The following CDH17 variants were observed in gnomAD, a reference collection of about 807,000 sequenced individuals.
CDH17 encodes the protein cadherin-17.
In CDH17, 67 loss-of-function variants were observed where a neutral mutation model predicts 86.3. The ratio of observed to expected loss-of-function variants is 0.78; its 90% CI spans 0.64 to 0.95. The LOEUF is 0.95. Ranked by LOEUF, CDH17 falls within the 40% of genes least tolerant of loss-of-function variation. The pLI, the probability that CDH17 is intolerant of heterozygous loss-of-function variation, is 0.00. For synonymous variants in CDH17, 367 were observed against 366.4 expected (o/e 1.00, Z -0.02); for missense variants, 993 against 1,017.6 (o/e 0.98, Z 0.33).
At position 94,130,874 on chromosome 8, in the gene CDH17, A is replaced by C; in HGVS notation, c.2284+2T>G. ...CTGAGTTGCCTATAGCAGAATATCT[A>C]CCTGGTAAAGAAACAATGCCTTCCA... On this transcript the variant is annotated splice_donor_variant, in intron 16 of 17. Coordinates refer to ENST00000027335, the MANE Select transcript of CDH17 (RefSeq NM_004063.4). LOFTEE classifies it high-confidence loss of function. 1 of 1,587,436 alleles carries C rather than the reference A, an allele frequency of 6.3e-7. No individual in the cohort carries two copies. Among genetic ancestry groups the C allele is most frequent in the East Asian group, 2.2e-5 (1 of 44,742 alleles).
chr8:94,147,707 A>T (rs1260892306), intron 14 of CDH17, among the ~76,000 whole-genome samples: 2 of 152,154 alleles, frequency 1.3e-5, no homozygotes, highest in Non-Finnish European at 2.9e-5. Flanking sequence ...TACTATTCCT[A>T]TGTGTTTATT....
rs1313976127 is a variant in CDH17 at position 94,148,816 on chromosome 8, T to G, written c.1855A>C (p.Ile619Leu). The G allele has an allele frequency of 2.5e-6, 4 of 1,604,602 alleles. No homozygotes were observed. The highest frequency in any genetic ancestry group is 3.4e-6 in the Non-Finnish European group (4 of 1,175,744). Residue 619 changes from isoleucine (I) to leucine (L), a missense_variant, in exon 14 of 18, where the codon ATC (isoleucine) becomes CTC (leucine). By Grantham distance (5) the Ile-to-Leu change is conservative. Transcript: ENST00000027335. ...CTGTCCAATGGAGCCACACTAAAGA[T>G]CTCACCAGTCACGTGGTCAATTTTA... The part of the protein sequence containing the change: ...WLKIDHVTGE[I>L]FSVAPLDREA...
In CDH17 at chr8:94,160,046, TATG is replaced by T; in HGVS notation, c.1473_1475del (p.Ile492del). The T allele has an allele frequency of 1.2e-6, 2 of 1,613,856 alleles. No homozygotes were observed. Among genetic ancestry groups the T allele is most frequent in the Non-Finnish European group, 1.7e-6 (2 of 1,179,844 alleles). ...CCAGGCGTCCCTCACTGTCTCCCTT[TATG>T]ATATGATACAGAATTTTAGAACTCC... On this transcript the variant is annotated inframe_deletion, in exon 12 of 18. Coordinates refer to ENST00000027335, the MANE Select transcript of CDH17 (RefSeq NM_004063.4).
intron 2 of CDH17, among the ~76,000 whole-genome samples, chr8:94,193,007 GA>G (rs1413280078): frequency 6.6e-6 from 1 of 152,158 alleles, no homozygotes; most frequent in African/African-American, 2.4e-5. Flanking sequence ...GGAGGTAGGA[GA>G]GAGAAGTGGC....
At chr8:94,170,256 G>A in intron 9 of CDH17, 141 bp downstream of exon 9, 1 of 814,154 alleles carries the variant, frequency 1.2e-6, no homozygotes, top group South Asian at 2.0e-5. Flanking sequence ...GTCCTTACGT[G>A]ACTCCCAAGG....
intron 10 of CDH17, among the ~76,000 whole-genome samples, chr8:94,163,750 T>G (rs2130623777): frequency 6.6e-6 from 1 of 152,334 alleles, no homozygotes; most frequent in East Asian, 1.9e-4. Flanking sequence ...AGGGACAGAA[T>G]CTATTAACAA....
intron 11 of CDH17, among the ~76,000 whole-genome samples, chr8:94,161,696 T>C (rs1813055410): frequency 6.6e-6 from 1 of 152,212 alleles, no homozygotes; most frequent in Admixed American, 6.5e-5. Context: ...ATATTCCAAA[T>C]ATTAAATTTT....
chr8:94,189,833 T>C (rs558055522), intron 2 of CDH17, among the ~76,000 whole-genome samples: 1 of 152,314 alleles, frequency 6.6e-6, no homozygotes, highest in African/African-American at 2.4e-5. Flanking sequence ...TTAGCCAAAT[T>C]TGAATCTGAA....
intron 15 of CDH17, among the ~76,000 whole-genome samples, chr8:94,132,267 T>G (rs760728383): frequency 1.3e-5 from 2 of 152,194 alleles, no homozygotes; most frequent in Admixed American, 1.3e-4. Flanking sequence ...TCTTCCACAA[T>G]GGTTGAACTA....
At chr8:94,215,056 C>A (rs1281257612) in intron 1 of CDH17, among the ~76,000 whole-genome samples, 1 of 152,188 alleles carries the variant, frequency 6.6e-6, no homozygotes, top group African/African-American at 2.4e-5. Context: ...TGTAAAATAA[C>A]ACAACCACTT....
intron 3 of CDH17, 129 bp downstream of exon 3, chr8:94,189,058 T>C: frequency 1.4e-6 from 1 of 704,960 alleles, no homozygotes; most frequent in Non-Finnish European, 2.5e-6. Context: ...ACTTAGCTTC[T>C]GAAATCATTC....
chr8:94,151,843 C>T lies in CDH17; in HGVS notation c.1796+25G>A, dbSNP rs757953838. On this transcript the variant is annotated intron_variant, in intron 13 of 17. Transcript: ENST00000027335. ...TGGCTTTGGTGACCACGCAGCCAGG[C>T]CTGCCCAGCACTGTTGCCCTTTACC... The T allele has an allele frequency of 9.3e-6, 15 of 1,613,304 alleles. No homozygotes were observed. In the South Asian group the frequency reaches 1.2e-4, roughly 13 times the overall value.
intron 5 of CDH17, 36 bp from the exon 6 acceptor site, chr8:94,174,296 A>C: frequency 1.3e-6 from 2 of 1,547,610 alleles, no homozygotes; most frequent in South Asian, 2.5e-5. Context: ...AAAAAAAAAA[A>C]AGATATTAAT....
At chr8:94,203,922 C>A (rs1813971898) in intron 1 of CDH17, among the ~76,000 whole-genome samples, 1 of 152,082 alleles carries the variant, frequency 6.6e-6, no homozygotes, top group Non-Finnish European at 1.5e-5. Flanking sequence ...TATAGATATG[C>A]CAATCTTTCA....
chr8:94,168,285 C>T (rs1319769512), intron 9 of CDH17, among the ~76,000 whole-genome samples: 2 of 137,712 alleles, frequency 1.5e-5, no homozygotes, highest in Non-Finnish European at 3.1e-5. Flanking sequence ...ACCACCACAC[C>T]TGGGTAATTT....
At chr8:94,193,273 T>C (rs1471225613) in intron 2 of CDH17, among the ~76,000 whole-genome samples, 5 of 152,208 alleles carry the variant, frequency 3.3e-5, no homozygotes, top group Non-Finnish European at 7.3e-5. Context: ...ATTAAATAAT[T>C]TAGCAGTGTG....
In CDH17 at chr8:94,194,789, T is replaced by C; in HGVS notation, c.-20-84A>G. ...CCAATCAGTAAGAATCAATGGATGA[T>C]ATCCAGTTATAAATCTAGTAAAATG... On this transcript the variant is annotated intron_variant, in intron 1 of 17. Transcript: ENST00000027335. 4.1e-6 allele frequency: 3 copies of C among 727,752 alleles called. No individual in the cohort carries two copies. The South Asian group carries it at 5.1e-5, about 12-fold the overall frequency. 45.1% of individuals were successfully genotyped at this position (727,752 alleles called of 1,614,324 possible).
intron 2 of CDH17, among the ~76,000 whole-genome samples, chr8:94,193,119 G>A (rs1217413715): frequency 6.6e-6 from 1 of 152,110 alleles, no homozygotes; most frequent in Non-Finnish European, 1.5e-5. Context: ...GCAGTGGTTG[G>A]GCAGTATTTT....
chr8:94,185,276 TACACACACAC>T (rs71277462), intron 3 of CDH17, among the ~76,000 whole-genome samples: 25,892 of 136,796 alleles, frequency 0.19, 2,571 homozygotes, highest in Middle Eastern at 0.24. Flanking sequence ...CCTACCCCAA[TACACACACAC>T]ACACACACAC....
Sources: gnomAD v4.1 joint callset for allele counts (sites outside exome capture counted in the v4.1 genomes callset) on GRCh38, gnomAD v4.1.1 for gene constraint, MANE v1.5 for transcripts, NCBI Gene and HGNC (gene_info 2026-07-23, HGNC 2026-07-21) for gene names.